The following SPRED2 variants were observed in gnomAD, a reference collection of about 807,000 sequenced individuals.
The protein encoded by SPRED2 is sprouty related EVH1 domain containing 2.
Under a neutral mutation model 43.0 loss-of-function variants are expected in SPRED2, and 47 were observed. The ratio of observed to expected loss-of-function variants is 1.09; its 90% CI spans 0.87 to 1.40. SPRED2 has a LOEUF of 1.40. SPRED2 is among the 40% of genes most tolerant of loss of function. The pLI, the probability that SPRED2 is intolerant of heterozygous loss-of-function variation, is 0.00. For missense variants in SPRED2, 561 were observed against 586.4 expected (o/e 0.96, Z 0.45); for synonymous variants, 225 against 225.7 (o/e 1.00, Z 0.03).
intron 1 of SPRED2, among the ~76,000 whole-genome samples, chr2:65,403,369 G>A (rs1195427708): frequency 6.6e-6 from 1 of 152,202 alleles, no homozygotes; most frequent in Admixed American, 6.5e-5. Context: ...GAACTCTTGA[G>A]CTCAAGTGAT....
chr2:65,331,977 G>A lies in SPRED2; in HGVS notation c.438+10C>T. The A allele has an allele frequency of 6.2e-7, 1 of 1,600,306 alleles. No homozygotes were observed. The highest frequency in any genetic ancestry group is 8.5e-7 in the Non-Finnish European group (1 of 1,170,840). On this transcript the variant is annotated intron_variant, in intron 4 of 5. Coordinates refer to ENST00000356388, the MANE Select transcript of SPRED2 (RefSeq NM_181784.3). Reference sequence around the variant, plus strand: ...ACTAATCTGGAAAGCAAAGGACAAAGGAAACTTACTGTAAAAACGTCATCA... The same window carrying A: ...ACTAATCTGGAAAGCAAAGGACAAAAGAAACTTACTGTAAAAACGTCATCA...
Position 65,316,721 on chromosome 2 carries a change from G to A in SPRED2, c.588+13C>T, listed in dbSNP as rs751745577. On this transcript the variant is annotated intron_variant, in intron 5 of 5. Coordinates refer to ENST00000356388, the MANE Select transcript of SPRED2 (RefSeq NM_181784.3). The stretch of plus-strand genomic sequence containing the variant: ...CACCCTGATGCCCTCAGAGGAACAG[G>A]GCTGCTGCTCACCTGATCGAGGTGA... The A allele has an allele frequency of 3.1e-6, 5 of 1,602,688 alleles. No homozygotes were observed. The East Asian group carries it at 1.1e-4, about 36-fold the overall frequency.
Position 65,310,877 on chromosome 2 carries a change from C to T in SPRED2, c.*2624G>A, listed in dbSNP as rs748111135. On this transcript the variant is annotated 3_prime_UTR_variant, in exon 6 of 6. Transcript: ENST00000356388. ...CTGATAGGATGTGTTTATATTTACA[C>T]GGTACATTTTAAAGCAATGGCTACA... 89 of 985,288 alleles carry T rather than the reference C, an allele frequency of 9.0e-5. No individual in the cohort carries two copies. The highest frequency in any genetic ancestry group is 9.9e-5 in the Non-Finnish European group (82 of 829,690). The allele number at this position is 985,288 out of a possible 1,614,324, so 61.0% of individuals were successfully genotyped here. A position where few individuals can be genotyped will look rare whatever the true frequency, so the allele number is the denominator to read the frequency against.
At chr2:65,327,892 T>G in intron 4 of SPRED2, among the ~76,000 whole-genome samples, 1 of 151,630 alleles carries the variant, frequency 6.6e-6, no homozygotes, top group Non-Finnish European at 1.5e-5. Context: ...CCTGGCTAAT[T>G]TTTGTATTTT....
At chr2:65,348,163 A>T (rs1222802944) in intron 1 of SPRED2, among the ~76,000 whole-genome samples, 1 of 152,164 alleles carries the variant, frequency 6.6e-6, no homozygotes, top group Non-Finnish European at 1.5e-5. Flanking sequence ...TCTTCTGTTC[A>T]AATCCTACTC....
chr2:65,422,198 A>C (rs1485554198), intron 1 of SPRED2, among the ~76,000 whole-genome samples: 1 of 151,776 alleles, frequency 6.6e-6, no homozygotes, highest in African/African-American at 2.4e-5. Flanking sequence ...TTGTTTGAAG[A>C]TTCTGGCAAG....
intron 1 of SPRED2, among the ~76,000 whole-genome samples, chr2:65,366,412 G>A (rs1436548693): frequency 6.6e-6 from 1 of 152,206 alleles, no homozygotes; most frequent in Admixed American, 6.5e-5. Flanking sequence ...CAACAGACCA[G>A]AGGTTACCTA....
intron 4 of SPRED2, among the ~76,000 whole-genome samples, chr2:65,325,187 G>A (rs1371972559): frequency 6.6e-6 from 1 of 152,210 alleles, no homozygotes; most frequent in Admixed American, 6.5e-5. Flanking sequence ...CAAGAGGCAA[G>A]GAAACAAGTA....
At chr2:65,339,105 G>A (rs113850398) in intron 2 of SPRED2, among the ~76,000 whole-genome samples, 4 of 105,516 alleles carry the variant, frequency 3.8e-5, no homozygotes, top group East Asian at 5.9e-4. Context: ...GTTGGGCGGG[G>A]GGTCAGCGCC....
At chr2:65,330,351 C>T (rs1459119571) in intron 4 of SPRED2, among the ~76,000 whole-genome samples, 1 of 152,208 alleles carries the variant, frequency 6.6e-6, no homozygotes, top group Non-Finnish European at 1.5e-5. Flanking sequence ...CCTGGGACAA[C>T]TGGGGAACTA....
chr2:65,393,335 T>TC (rs1424885764), intron 1 of SPRED2, among the ~76,000 whole-genome samples: 63 of 151,140 alleles, frequency 4.2e-4, no homozygotes, highest in African/African-American at 1.5e-3. Context: ...GCTTTTTTTT[T>TC]TTTTTCTTTT....
rs1454606639 is a variant in SPRED2, at chr2:65,411,993, T to C, written c.26+19969A>G. Among the ~76,000 whole-genome samples the C allele has an allele frequency of 4.0e-5, 6 of 151,774 alleles. No homozygotes were observed. In the East Asian group the frequency reaches 5.8e-4, roughly 15 times the overall value. On this transcript the variant is annotated intron_variant, in intron 1 of 5. Transcript: ENST00000356388. ...ATACAAAAAAATTAGCCGGGTGTGG[T>C]GGCAGGCGCCTGTAGTCCCAGCTAC... is the stretch of plus-strand genomic sequence containing the variant.
Position 65,401,933 on chromosome 2 carries a change from G to GCACACA in SPRED2, c.26+30028_26+30029insTGTGTG, listed in dbSNP as rs141434693. Among the ~76,000 whole-genome samples, 432 of 83,802 alleles carry GCACACA rather than the reference G, an allele frequency of 5.2e-3. 2 individuals are homozygous for GCACACA. Among genetic ancestry groups the GCACACA allele is most frequent in the South Asian group, 0.033 (92 of 2,816 alleles). The allele number at this position is 83,802 out of a possible 152,430, so 55.0% of individuals were successfully genotyped here. Reference sequence around the variant, plus strand: ...TAAAACGATCAGAATATTAGCGCGCGCGCGCACACACACACACACACACAC... The same window carrying GCACACA: ...TAAAACGATCAGAATATTAGCGCGCGCACACACGCGCACACACACACACACACACAC... On this transcript the variant is annotated intron_variant, in intron 1 of 5. Coordinates refer to ENST00000356388, the MANE Select transcript of SPRED2 (RefSeq NM_181784.3).
At chr2:65,402,256 G>C (rs1371054683) in intron 1 of SPRED2, among the ~76,000 whole-genome samples, 6 of 134,932 alleles carry the variant, frequency 4.4e-5, no homozygotes, top group African/African-American at 1.7e-4. Context: ...TCCAGCCTGG[G>C]AGACAGAGTG....
At chr2:65,370,589 T>C (rs1166353696) in intron 1 of SPRED2, among the ~76,000 whole-genome samples, 5 of 152,172 alleles carry the variant, frequency 3.3e-5, no homozygotes, top group Non-Finnish European at 5.9e-5. Flanking sequence ...TACAGAAATG[T>C]TGGTTGTTGG....
At chr2:65,350,209 T>C (rs1027625380) in intron 1 of SPRED2, among the ~76,000 whole-genome samples, 1 of 152,200 alleles carries the variant, frequency 6.6e-6, no homozygotes, top group African/African-American at 2.4e-5. Flanking sequence ...CAGGGTTTGT[T>C]AGTGGTGGGG....
intron 2 of SPRED2, among the ~76,000 whole-genome samples, chr2:65,342,707 C>T (rs1309640019): frequency 6.6e-6 from 1 of 152,108 alleles, no homozygotes; most frequent in Non-Finnish European, 1.5e-5. Context: ...AATGAAACAT[C>T]AAACTGATAT....
chr2:65,394,846 G>C (rs963970009), intron 1 of SPRED2, among the ~76,000 whole-genome samples: 1 of 152,198 alleles, frequency 6.6e-6, no homozygotes, highest in Non-Finnish European at 1.5e-5. Flanking sequence ...TTTATATGAA[G>C]AGAAAATAAA....
chr2:65,380,102 G>T (rs1420636723), intron 1 of SPRED2, among the ~76,000 whole-genome samples: 1 of 152,158 alleles, frequency 6.6e-6, no homozygotes, highest in Admixed American at 6.5e-5. Context: ...ATTCAGGTTT[G>T]AATTCTGTAT....
Sources: gnomAD v4.1 joint callset for allele counts (sites outside exome capture counted in the v4.1 genomes callset) on GRCh38, gnomAD v4.1.1 for gene constraint, MANE v1.5 for transcripts, NCBI Gene and HGNC (gene_info 2026-07-23, HGNC 2026-07-21) for gene names.